The following PDE11A variants were observed in gnomAD, a reference collection of about 807,000 sequenced individuals.
PDE11A encodes the protein phosphodiesterase 11A.
A neutral mutation model predicts 100.5 loss-of-function variants in PDE11A; 100 were observed. The ratio of observed to expected loss-of-function variants is 1.00; its 90% CI spans 0.85 to 1.18. The LOEUF is 1.18. Ranked by LOEUF, PDE11A falls within the 50% of genes most tolerant of loss-of-function variation. The pLI is 0.00. For missense variants in PDE11A, 1,141 were observed against 1,152.6 expected (o/e 0.99, Z 0.15); for synonymous variants, 381 against 420.8 (o/e 0.91, Z 1.16).
At chr2:177,653,431 A>C (rs1019173001) in intron 19 of PDE11A, among the ~76,000 whole-genome samples, 3 of 151,956 alleles carry the variant, frequency 2.0e-5, no homozygotes, top group African/African-American at 7.3e-5. Flanking sequence ...TGATTTCTCA[A>C]CCTCTCTGTC....
At chr2:177,862,392 A>T (rs1363159101) in intron 5 of PDE11A, among the ~76,000 whole-genome samples, 1 of 151,924 alleles carries the variant, frequency 6.6e-6, no homozygotes, top group African/African-American at 2.4e-5. Context: ...ACTTACTGCA[A>T]TGAAGAAGTA....
intron 12 of PDE11A, among the ~76,000 whole-genome samples, chr2:177,714,217 T>C (rs1189444407): frequency 6.6e-6 from 1 of 152,086 alleles, no homozygotes; most frequent in African/African-American, 2.4e-5. Context: ...ATGGTCTCGA[T>C]CTACTGACCT....
At chr2:178,055,656 T>A (rs1462775939) in intron 1 of PDE11A, among the ~76,000 whole-genome samples, 1 of 152,108 alleles carries the variant, frequency 6.6e-6, no homozygotes, top group Non-Finnish European at 1.5e-5. Context: ...TCTATTGTAA[T>A]AATAATTATT....
At chr2:178,024,964 T>A (rs535015186) in intron 1 of PDE11A, among the ~76,000 whole-genome samples, 75 of 152,230 alleles carry the variant, frequency 4.9e-4, no homozygotes, top group Non-Finnish European at 8.1e-4. Flanking sequence ...TTGTTCTGAA[T>A]TGATGGAAGA....
intron 1 of PDE11A, among the ~76,000 whole-genome samples, chr2:178,015,323 C>A (rs1230896597): frequency 1.3e-5 from 2 of 152,058 alleles, no homozygotes; most frequent in Non-Finnish European, 2.9e-5. Flanking sequence ...TAACGTGAAT[C>A]TAATTATTCA....
At chr2:177,651,394 A>G (rs1276611644) in intron 19 of PDE11A, among the ~76,000 whole-genome samples, 2 of 152,204 alleles carry the variant, frequency 1.3e-5, no homozygotes, top group Non-Finnish European at 2.9e-5. Context: ...GATATTGCCT[A>G]TCATCAATTC....
intron 19 of PDE11A, among the ~76,000 whole-genome samples, chr2:177,663,342 T>A (rs537090630): frequency 6.6e-6 from 1 of 151,036 alleles, no homozygotes; most frequent in African/African-American, 2.5e-5. Context: ...AGCTGGAAGG[T>A]GCGTCACAAA....
At chr2:177,994,942 CA>C in intron 2 of PDE11A, among the ~76,000 whole-genome samples, 1 of 151,246 alleles carries the variant, frequency 6.6e-6, no homozygotes, top group East Asian at 1.9e-4. Context: ...AATTCAGAAG[CA>C]AAAATAACCG....
chr2:177,911,412 T>C (rs1165441982), intron 2 of PDE11A, among the ~76,000 whole-genome samples: 1 of 152,172 alleles, frequency 6.6e-6, no homozygotes, highest in Non-Finnish European at 1.5e-5. Context: ...TCTACACAAA[T>C]TCAATAAAGA....
Position 177,865,283 on chromosome 2 carries a change from T to C in PDE11A, c.1367+10576A>G, listed in dbSNP as rs183506366. On this transcript the variant is annotated intron_variant, in intron 5 of 19. Coordinates refer to ENST00000286063, the MANE Select transcript of PDE11A (RefSeq NM_016953.4). ...ACAGAGTGAGACTCCATCCCCTGCA[T>C]CCCCCAAAAAAACAAAAACCACAAT... 7.2e-3 allele frequency among the ~76,000 whole-genome samples: 1,098 copies of C among 151,478 alleles called. 13 individuals carry two copies. Among genetic ancestry groups the C allele is most frequent in the African/African-American group, 0.025 (1,024 of 41,276 alleles).
intron 2 of PDE11A, among the ~76,000 whole-genome samples, chr2:177,918,341 T>C (rs1282406935): frequency 2.6e-5 from 4 of 152,202 alleles, no homozygotes; most frequent in Non-Finnish European, 5.9e-5. Flanking sequence ...TGCAACAGAG[T>C]CTCAGCCTGT....
intron 2 of PDE11A, among the ~76,000 whole-genome samples, chr2:177,986,180 T>A (rs2085937090): frequency 6.6e-6 from 1 of 152,120 alleles, no homozygotes; most frequent in African/African-American, 2.4e-5. Flanking sequence ...GTTATCATCT[T>A]CCACCTGGAG....
At chr2:177,915,069 C>T (rs1431313495) in intron 2 of PDE11A, among the ~76,000 whole-genome samples, 1 of 152,016 alleles carries the variant, frequency 6.6e-6, no homozygotes, top group Non-Finnish European at 1.5e-5. Flanking sequence ...TTTAGGTTTA[C>T]AGAAAAGTTA....
chr2:177,774,653 C>T lies in PDE11A; in HGVS notation c.1738-5280G>A, dbSNP rs186653282. ...ACACTCTCATGGCTTTATACACCAT[C>T]GTTGTGTTGATAACTTTCAAATCTC... is the stretch of plus-strand genomic sequence containing the variant. On this transcript the variant is annotated intron_variant, in intron 9 of 19. Transcript: ENST00000286063. Among the ~76,000 whole-genome samples the T allele has an allele frequency of 1.1e-3, 169 of 152,310 alleles. 4 individuals carry two copies. Among genetic ancestry groups the T allele is most frequent in the Admixed American group, 0.01 (156 of 15,288 alleles).
chr2:178,096,164 C>CTTTT (rs1257178630), intron 2 of PDE11A, among the ~76,000 whole-genome samples: 37 of 110,234 alleles, frequency 3.4e-4, no homozygotes, highest in African/African-American at 7.0e-4. Flanking sequence ...TTTTTCTTTT[C>CTTTT]TTTTCTTTTT....
intron 2 of PDE11A, chr2:178,092,567 G>C (rs1376652939): frequency 6.6e-6 from 1 of 151,646 alleles, no homozygotes. Context: ...TTTAAGACCA[G>C]AAAAGGTCAT....
At chr2:177,835,057 T>C (rs2083372163) in intron 6 of PDE11A, among the ~76,000 whole-genome samples, 1 of 152,086 alleles carries the variant, frequency 6.6e-6, no homozygotes, top group Non-Finnish European at 1.5e-5. Context: ...ACAGGGTGTA[T>C]GTGGGTGAGT....
chr2:177,745,765 A>T (rs916701392), intron 10 of PDE11A, among the ~76,000 whole-genome samples: 11 of 152,174 alleles, frequency 7.2e-5, no homozygotes, highest in Admixed American at 2.6e-4. Context: ...ATGTGAGTGT[A>T]TTTGTTTTCC....
chr2:177,768,136 G>A (rs771576955), intron 10 of PDE11A, among the ~76,000 whole-genome samples: 11 of 152,110 alleles, frequency 7.2e-5, no homozygotes, highest in South Asian at 2.1e-4. Flanking sequence ...TGCTGCTTCC[G>A]GCCCTTGCGA....
Sources: allele counts gnomAD v4.1 joint callset (sites outside exome capture counted in the v4.1 genomes callset), GRCh38; gene constraint gnomAD v4.1.1; transcripts MANE v1.5; gene names NCBI Gene and HGNC (gene_info 2026-07-23, HGNC 2026-07-21).